PTPN13: variants seen among roughly 807,000 people sequenced by gnomAD.
The protein encoded by PTPN13 is tyrosine-protein phosphatase non-receptor type 13.
PTPN13 carries 191 observed loss-of-function variants against 284.0 expected under a neutral mutation model. That is an observed-to-expected ratio of 0.67 (90% confidence interval 0.60 to 0.76). The LOEUF is 0.76. Ranked by LOEUF, PTPN13 falls within the 30% of genes least tolerant of loss-of-function variation. The pLI is 0.00. For synonymous variants in PTPN13, 986 were observed against 1,022.3 expected, an observed-to-expected ratio of 0.96 and a Z score of 0.68; for missense variants, 2,797 against 2,939.9, an observed-to-expected ratio of 0.95 and a Z score of 1.12.
intron 26 of PTPN13, 117 bp downstream of exon 26, chr4:86,765,605 A>G: frequency 4.4e-6 from 3 of 675,320 alleles, no homozygotes; most frequent in African/African-American, 3.6e-5. Context: ...AACATACTCA[A>G]TTATAAAACT....
At chr4:86,781,264 T>G (rs1398566974) in intron 36 of PTPN13, among the ~76,000 whole-genome samples, 1 of 151,894 alleles carries the variant, frequency 6.6e-6, no homozygotes, top group African/African-American at 2.4e-5. Flanking sequence ...ATTTGTTTCT[T>G]TCTTTGTTTT....
At chr4:86,644,826 A>G (rs1460332620) in intron 2 of PTPN13, among the ~76,000 whole-genome samples, 6 of 152,188 alleles carry the variant, frequency 3.9e-5, no homozygotes, top group African/African-American at 1.2e-4. Flanking sequence ...TGACCATAGT[A>G]ATGACTAAAA....
Position 86,807,822 on chromosome 4 carries a change from A to T in PTPN13, c.7008A>T (p.Arg2336Ser), listed in dbSNP as rs965582876. Reference sequence around the variant, plus strand: ...GCAAAACAACAATGGTCAGCAACAGACTTCGACTGGCTCTTGTGAGAATGC... The same window carrying T: ...GCAAAACAACAATGGTCAGCAACAGTCTTCGACTGGCTCTTGTGAGAATGC... ...ILGKTTMVSN[R>S]LRLALVRMQQ... Residue 2336 changes from arginine to serine, a missense_variant, in exon 45 of 48, where the codon AGA becomes AGT. Physicochemically the swap from Arg to Ser is moderately radical, Grantham distance 110. Coordinates refer to ENST00000411767, the MANE Select transcript of PTPN13 (RefSeq NM_080683.3). 1 of 1,613,916 alleles carries T rather than the reference A, an allele frequency of 6.2e-7. No homozygotes were observed. Among genetic ancestry groups the T allele is most frequent in the African/African-American group, 1.3e-5 (1 of 74,940 alleles).
chr4:86,735,972 TTGAACCC>T (rs1267890858), intron 15 of PTPN13, among the ~76,000 whole-genome samples: 1 of 152,200 alleles, frequency 6.6e-6, no homozygotes, highest in Non-Finnish European at 1.5e-5. Context: ...CAGATATGAT[TTGAACCC>T]ATGTCTATCT....
At chr4:86,747,065 AG>A (rs1429473565) in intron 17 of PTPN13, among the ~76,000 whole-genome samples, 1 of 152,274 alleles carries the variant, frequency 6.6e-6, no homozygotes, top group African/African-American at 2.4e-5. Context: ...TATTCTATTC[AG>A]TACAATCCAT....
chr4:86,796,590 A>C (rs1016336588), intron 40 of PTPN13, among the ~76,000 whole-genome samples: 2 of 152,178 alleles, frequency 1.3e-5, no homozygotes, highest in Non-Finnish European at 2.9e-5. Context: ...TACATGAGTC[A>C]TGATTGTACC....
chr4:86,610,736 CA>C (rs1765191024), intron 1 of PTPN13, among the ~76,000 whole-genome samples: 1 of 152,130 alleles, frequency 6.6e-6, no homozygotes, highest in South Asian at 2.1e-4. Context: ...TCCTATAGGC[CA>C]AACAAAACAT....
At chr4:86,638,178 A>C (rs1294631631) in intron 2 of PTPN13, among the ~76,000 whole-genome samples, 1 of 152,218 alleles carries the variant, frequency 6.6e-6, no homozygotes, top group East Asian at 1.9e-4. Context: ...GAAATAAAAG[A>C]GGATACAAAC....
intron 10 of PTPN13, among the ~76,000 whole-genome samples, chr4:86,724,241 T>C (rs1188707311): frequency 1.3e-5 from 2 of 152,180 alleles, no homozygotes; most frequent in African/African-American, 2.4e-5. Flanking sequence ...TCAATAGGGC[T>C]TCATCAATTC....
intron 3 of PTPN13, among the ~76,000 whole-genome samples, chr4:86,683,966 A>C (rs1388133010): frequency 6.6e-6 from 1 of 152,212 alleles, no homozygotes; most frequent in Non-Finnish European, 1.5e-5. Flanking sequence ...AAGCTTAAAG[A>C]GAAATATGAT....
chr4:86,669,672 A>G (rs1478218349), intron 2 of PTPN13, among the ~76,000 whole-genome samples: 1 of 152,088 alleles, frequency 6.6e-6, no homozygotes. Flanking sequence ...GTCTGTATCC[A>G]GGGATGAAAA....
intron 2 of PTPN13, among the ~76,000 whole-genome samples, chr4:86,641,261 A>G (rs905546101): frequency 2.0e-5 from 3 of 152,084 alleles, no homozygotes; most frequent in African/African-American, 7.2e-5. Flanking sequence ...GCGGGGGGAA[A>G]ATAGCAGGTA....
chr4:86,751,701 C>G (rs978963375), intron 19 of PTPN13, among the ~76,000 whole-genome samples: 2 of 152,054 alleles, frequency 1.3e-5, no homozygotes, highest in Non-Finnish European at 2.9e-5. Context: ...CCTTTTTTGG[C>G]TTTTCCTTTC....
At chr4:86,810,105 TTTC>T in intron 46 of PTPN13, 121 bp downstream of exon 46, 2 of 702,938 alleles carry the variant, frequency 2.8e-6, no homozygotes, top group South Asian at 2.4e-5. Flanking sequence ...CTGCCTTCAT[TTTC>T]TTCTTATATT....
At chr4:86,809,698 A>T (rs1270816650) in intron 45 of PTPN13, 71 bp from the exon 46 acceptor site, 1 of 1,411,530 alleles carries the variant, frequency 7.1e-7, no homozygotes, top group East Asian at 2.3e-5. Flanking sequence ...CTCAAGAAAG[A>T]AAAAAAAGAA....
Position 86,774,458 on chromosome 4 carries a change from G to A in PTPN13, c.5435G>A (p.Cys1812Tyr), listed in dbSNP as rs367854579. 45 of 1,605,368 alleles carry A rather than the reference G, an allele frequency of 2.8e-5. No individual in the cohort carries two copies. The highest frequency in any genetic ancestry group is 3.7e-5 in the Non-Finnish European group (44 of 1,175,592). ...ACCAAAGGCAATCAGAGAATTGGTT[G>A]TTATGTTCATGATGTCATACAGGAT... ...TVTKGNQRIG[C>Y]YVHDVIQDPA... The change falls in exon 33 of 48, where the codon TGT (cysteine) becomes TAT (tyrosine). Residue 1812 changes from cysteine to tyrosine, a missense_variant. Cys to Tyr is a radical substitution (Grantham distance 194, BLOSUM62 -2). Coordinates refer to ENST00000411767, the MANE Select transcript of PTPN13 (RefSeq NM_080683.3).
intron 1 of PTPN13, among the ~76,000 whole-genome samples, chr4:86,600,494 C>A (rs1179556536): frequency 1.7e-5 from 2 of 116,390 alleles, no homozygotes; most frequent in Admixed American, 1.2e-4. Context: ...CTACAGAACA[C>A]TGGGAGTTAT....
chr4:86,792,931 C>G (rs1742852225), intron 40 of PTPN13, among the ~76,000 whole-genome samples: 1 of 152,202 alleles, frequency 6.6e-6, no homozygotes, highest in Non-Finnish European at 1.5e-5. Flanking sequence ...ACTATCGATG[C>G]TGTGAAGAAA....
At chr4:86,812,728 G>C (rs1310215855) in intron 47 of PTPN13, among the ~76,000 whole-genome samples, 2 of 152,112 alleles carry the variant, frequency 1.3e-5, no homozygotes, top group Non-Finnish European at 2.9e-5. Context: ...CAGGGCACGA[G>C]AGAAGGAAGA....
Sources: gnomAD v4.1 joint callset for allele counts (sites outside exome capture counted in the v4.1 genomes callset) on GRCh38, gnomAD v4.1.1 for gene constraint, MANE v1.5 for transcripts, NCBI Gene and HGNC (gene_info 2026-07-23, HGNC 2026-07-21) for gene names.